Variants in PYGO1 observed in about 807,000 individuals in gnomAD.
The protein encoded by PYGO1 is pygopus family PHD finger 1, also known as pygopus homolog 1.
In PYGO1, 6 loss-of-function variants were observed where a neutral mutation model predicts 29.5. The ratio of observed to expected loss-of-function variants is 0.20; its 90% CI spans 0.11 to 0.40. PYGO1 has a LOEUF of 0.40. Among genes scored for constraint, PYGO1 ranks in the 10% least tolerant of loss-of-function variants. The probability of loss-of-function intolerance (pLI) is 1.00; values close to 1 mark genes in which losing one functional copy is unlikely to be tolerated. For synonymous variants in PYGO1, 186 were observed against 180.5 expected (o/e 1.03, Z -0.24); for missense variants, 515 against 514.9 (o/e 1.00, Z 0.00).
intron 1 of PYGO1, among the ~76,000 whole-genome samples, chr15:55,576,040 G>A (rs1296653762): frequency 6.6e-6 from 1 of 152,064 alleles, no homozygotes; most frequent in East Asian, 1.9e-4. Flanking sequence ...TATATTATTT[G>A]TTAAAAATAA....
intron 1 of PYGO1, among the ~76,000 whole-genome samples, chr15:55,555,867 A>T (rs2058902535): frequency 6.6e-6 from 1 of 152,156 alleles, no homozygotes. Context: ...AGAAAAAAGC[A>T]GGGGTTGCAA....
In PYGO1 at chr15:55,551,657, A is replaced by T. The variant is rs116136248; in HGVS notation, c.50-2662T>A. Among the ~76,000 whole-genome samples the T allele has an allele frequency of 5.0e-3, 756 of 152,094 alleles. 8 individuals are homozygous for T. Among genetic ancestry groups the T allele is most frequent in the African/African-American group, 0.017 (712 of 41,494 alleles). On this transcript the variant is annotated intron_variant, in intron 1 of 2. Coordinates refer to ENST00000563719, the MANE Select transcript of PYGO1 (RefSeq NM_001367806.1). ...CATTAAAATTAAAATTAAAAAAAAA[A>T]TTAGCCAGGTATGGTGGCACATGCC...
chr15:55,578,627 G>A (rs552416484), intron 1 of PYGO1, among the ~76,000 whole-genome samples: 1 of 152,126 alleles, frequency 6.6e-6, no homozygotes, highest in South Asian at 2.1e-4. Context: ...ATCTTTTTAT[G>A]TACTTATGGA....
chr15:55,559,834 C>T (rs28880717), intron 1 of PYGO1, among the ~76,000 whole-genome samples: 17,133 of 152,084 alleles, frequency 0.11, 1,840 homozygotes, highest in East Asian at 0.36. Context: ...AAAAAGTTTA[C>T]GCACCATGAT....
At chr15:55,587,758 C>T (rs1203801983) in intron 1 of PYGO1, 77 bp downstream of exon 1, 31 of 1,432,232 alleles carry the variant, frequency 2.2e-5, no homozygotes, top group Non-Finnish European at 2.8e-5. Context: ...AGCCCCATGG[C>T]CTCCCGGCGG....
chr15:55,566,511 T>C (rs1394368660), intron 1 of PYGO1, among the ~76,000 whole-genome samples: 5 of 152,124 alleles, frequency 3.3e-5, no homozygotes, highest in African/African-American at 1.2e-4. Context: ...CATGTTGTTG[T>C]GATTGTGAAT....
chr15:55,588,961 C>T, upstream of PYGO1: 3 of 934,792 alleles, frequency 3.2e-6, no homozygotes, highest in South Asian at 1.6e-5. Context: ...CAAGAAAGAG[C>T]GACGTAGAAT....
At chr15:55,563,206 G>A (rs1198297364) in intron 1 of PYGO1, among the ~76,000 whole-genome samples, 1 of 152,064 alleles carries the variant, frequency 6.6e-6, no homozygotes, top group Non-Finnish European at 1.5e-5. Context: ...AGACTCTGAT[G>A]AGAGTCTAGT....
chr15:55,582,491 A>G (rs2059029360), intron 1 of PYGO1, among the ~76,000 whole-genome samples: 1 of 151,970 alleles, frequency 6.6e-6, no homozygotes, highest in Admixed American at 6.6e-5. Context: ...TCTGCTTTTC[A>G]GCGTCTTTTT....
chr15:55,571,552 G>C (rs1402443027), intron 1 of PYGO1, among the ~76,000 whole-genome samples: 1 of 152,066 alleles, frequency 6.6e-6, no homozygotes, highest in Non-Finnish European at 1.5e-5. Context: ...CACGAGATCT[G>C]ACGGTTTTAC....
chr15:55,587,304 C>G (rs922653409), intron 1 of PYGO1, among the ~76,000 whole-genome samples: 1 of 151,368 alleles, frequency 6.6e-6, no homozygotes, highest in African/African-American at 2.4e-5. Flanking sequence ...AGAGAAAATG[C>G]CTTCTGAATT....
chr15:55,585,259 C>G (rs979703277), intron 1 of PYGO1, among the ~76,000 whole-genome samples: 3 of 152,156 alleles, frequency 2.0e-5, no homozygotes, highest in Non-Finnish European at 4.4e-5. Flanking sequence ...TATTTGGTGA[C>G]TCTTTTAATA....
intron 1 of PYGO1, among the ~76,000 whole-genome samples, chr15:55,551,481 A>G (rs1289280589): frequency 6.6e-6 from 1 of 152,090 alleles, no homozygotes; most frequent in African/African-American, 2.4e-5. Context: ...AAACCAAAAA[A>G]CCACAGACTA....
chr15:55,565,143 A>G lies in PYGO1; in HGVS notation c.50-16148T>C, dbSNP rs192458135. ...CCGCCCAGTTAATCTCCCTATCTCCAGGTGAACTGTGCCATATGATACAGC... is the reference window on the plus strand; with the variant it reads ...CCGCCCAGTTAATCTCCCTATCTCCGGGTGAACTGTGCCATATGATACAGC... On this transcript the variant is annotated intron_variant, in intron 1 of 2. Transcript: ENST00000563719. 1.2e-3 allele frequency among the ~76,000 whole-genome samples: 185 copies of G among 152,208 alleles called. 1 individual carries two copies. Among genetic ancestry groups the G allele is most frequent in the African/African-American group, 4.2e-3 (175 of 41,522 alleles).
In PYGO1 at chr15:55,539,925, T is replaced by C. The variant is rs907633510; in HGVS notation, c.*6098A>G. 6.6e-6 allele frequency: 1 copy of C among 152,102 alleles called. No homozygotes were observed. Among genetic ancestry groups the C allele is most frequent in the African/African-American group, 2.4e-5 (1 of 41,460 alleles). The allele number at this position is 152,102 out of a possible 1,614,324, so 9.4% of individuals were successfully genotyped here. A position where few individuals can be genotyped will look rare whatever the true frequency, so the allele number is the denominator to read the frequency against. On this transcript the variant is annotated 3_prime_UTR_variant, in exon 3 of 3. Coordinates refer to ENST00000563719, the MANE Select transcript of PYGO1 (RefSeq NM_001367806.1). ...AACTGATATGTCTAAAATTTGAATT[T>C]TTAAAAAGATATGCAGTTTAAGCAC...
At chr15:55,582,278 G>A (rs1326002976) in intron 1 of PYGO1, among the ~76,000 whole-genome samples, 1 of 151,994 alleles carries the variant, frequency 6.6e-6, no homozygotes, top group Admixed American at 6.6e-5. Context: ...GGGAGTAGGG[G>A]ATGGATAAAG....
intron 1 of PYGO1, among the ~76,000 whole-genome samples, chr15:55,566,470 A>G (rs760223904): frequency 8.6e-5 from 13 of 151,902 alleles, no homozygotes; most frequent in East Asian, 1.9e-4. Context: ...TCTTTATCCA[A>G]TCCACCACTG....
chr15:55,585,935 T>G (rs2059044523), intron 1 of PYGO1, among the ~76,000 whole-genome samples: 1 of 152,162 alleles, frequency 6.6e-6, no homozygotes, highest in African/African-American at 2.4e-5. Flanking sequence ...AAAAAGACAA[T>G]TAAAATATTT....
intron 1 of PYGO1, among the ~76,000 whole-genome samples, chr15:55,571,854 C>T (rs2141669161): frequency 6.6e-6 from 1 of 152,128 alleles, no homozygotes; most frequent in African/African-American, 2.4e-5. Context: ...ATTTTTATGT[C>T]ATATCTTTAC....
Sources: allele counts gnomAD v4.1 joint callset (sites outside exome capture counted in the v4.1 genomes callset), GRCh38; gene constraint gnomAD v4.1.1; transcripts MANE v1.5; gene names NCBI Gene and HGNC (gene_info 2026-07-23, HGNC 2026-07-21).